The following MUC12 variants were observed in gnomAD, a reference collection of about 807,000 sequenced individuals.
The protein encoded by MUC12 is mucin-12.
MUC12 carries 172 observed loss-of-function variants against 230.8 expected under a neutral mutation model. The ratio of observed to expected loss-of-function variants is 0.75; its 90% confidence interval spans 0.66 to 0.85. The LOEUF (loss-of-function observed/expected upper bound fraction) is 0.85, where lower values mean the gene tolerates loss of function less well. MUC12 is among the 40% of genes least tolerant of loss of function. MUC12 has a pLI of 0.00. For synonymous variants in MUC12, 1,259 were observed against 2,401.9 expected (o/e 0.52, Z 13.91); for missense variants, 3,506 against 5,920.6 (o/e 0.59, Z 13.38).
rs1793734066 is a variant in MUC12 at position 101,005,580 on chromosome 7, C to T, written c.14956+61C>T. ...TTCTCCAGGCCTGTCCATGAGTCTT[C>T]TTCATCCATTACAACCTCTCTTGGT... is the stretch of plus-strand genomic sequence containing the variant. On this transcript the variant is annotated intron_variant, in intron 2 of 11. Coordinates refer to ENST00000536621, the MANE Select transcript of MUC12 (RefSeq NM_001164462.2). 10 of 1,459,650 alleles carry T rather than the reference C, an allele frequency of 6.9e-6. No individual in the cohort carries two copies. The South Asian group carries it at 1.4e-4, about 20-fold the overall frequency. 90.4% of individuals were successfully genotyped at this position (1,459,650 alleles called of 1,614,324 possible).
In MUC12 at chr7:101,017,629, G is replaced by A. The variant is rs758628461; in HGVS notation, c.15932G>A (p.Arg5311Gln). 6.5e-6 allele frequency: 10 copies of A among 1,535,844 alleles called. No homozygotes were observed. Among genetic ancestry groups the A allele is most frequent in the South Asian group, 5.9e-5 (5 of 84,052 alleles). Residue 5311 changes from arginine to glutamine, a missense_variant, in exon 11 of 12, where the codon CGG becomes CAG. By Grantham distance (43) the Arg-to-Gln change is conservative. Transcript: ENST00000536621. ...FGLENAYNNF[R>Q]PTLETVDSGT... ...CTTGAGAACGCCTACAACAACTTCC[G>A]GCCCACCCTGGAGACTGTTGACTCT...
intron 1 of MUC12, among the ~76,000 whole-genome samples, chr7:100,978,736 C>G (rs1316537995): frequency 6.6e-6 from 1 of 152,134 alleles, no homozygotes; most frequent in Non-Finnish European, 1.5e-5. Context: ...CCTTGAAGAA[C>G]CTTCTAATGT....
rs200428302 is a variant in MUC12, at chr7:100,992,575, C to A, written c.2012C>A (p.Thr671Asn). 2.0e-6 allele frequency: 3 copies of A among 1,537,814 alleles called. No homozygotes were observed. Among genetic ancestry groups the A allele is most frequent in the Non-Finnish European group, 1.7e-6 (2 of 1,147,038 alleles). Reference sequence around the variant, plus strand: ...GGCAGCCCGAGCTCAATTCCAACAACCCACATTTCTGCCCGCTCCACAACC... The same window carrying A: ...GGCAGCCCGAGCTCAATTCCAACAAACCACATTTCTGCCCGCTCCACAACC... ...SHGSPSSIPT[T>N]HISARSTTSG... Residue 671 changes from threonine (T) to asparagine (N), a missense_variant, in exon 2 of 12, where the codon ACC becomes AAC. Physicochemically the swap from Thr to Asn is moderately conservative, Grantham distance 65. Coordinates refer to ENST00000536621, the MANE Select transcript of MUC12 (RefSeq NM_001164462.2).
intron 1 of MUC12, among the ~76,000 whole-genome samples, chr7:100,978,972 G>T (rs182677830): frequency 1.3e-5 from 2 of 152,174 alleles, no homozygotes; most frequent in Admixed American, 1.3e-4. Flanking sequence ...ACCATGCCCA[G>T]CTAATTTTTA....
chr7:100,990,215 G>C (rs1050975225), intron 1 of MUC12, among the ~76,000 whole-genome samples: 1 of 152,196 alleles, frequency 6.6e-6, no homozygotes, highest in Non-Finnish European at 1.5e-5. Flanking sequence ...GCCTCTTGTC[G>C]GATCAGGAGC....
At chr7:100,972,249 G>A (rs1792919483) in intron 1 of MUC12, 6 of 701,910 alleles carry the variant, frequency 8.5e-6, no homozygotes, top group Admixed American at 2.0e-5. Context: ...ATTTGCCTGG[G>A]TCCACACAGC....
rs1310240453 is a variant in MUC12 at position 100,995,396 on chromosome 7, A to T, written c.4833A>T (p.Pro1611=). Residue 1611 remains proline, a synonymous_variant, in exon 2 of 12, where the codon CCA becomes CCT. Coordinates refer to ENST00000536621, the MANE Select transcript of MUC12 (RefSeq NM_001164462.2). The part of the protein sequence containing the change: ...SQESTASHSS[P]GSTDTTLSPG... ...AATCTACAGCTTCCCACAGCAGCCC[A>T]GGCTCCACAGACACAACATTGTCCC... 6.5e-7 allele frequency: 1 copy of T among 1,533,978 alleles called. No individual in the cohort carries two copies. The highest frequency in any genetic ancestry group is 2.4e-5 in the East Asian group (1 of 40,920).
chr7:100,984,588 T>C (rs559778588), intron 1 of MUC12, among the ~76,000 whole-genome samples: 1 of 152,222 alleles, frequency 6.6e-6, no homozygotes, highest in African/African-American at 2.4e-5. Context: ...TTTTGTTTTT[T>C]TTTAACTTCT....
intron 1 of MUC12, chr7:100,981,358 T>C (rs1584826699): frequency 1.6e-6 from 1 of 622,692 alleles, no homozygotes; most frequent in Non-Finnish European, 2.9e-6. Flanking sequence ...GGTTCCCTTG[T>C]CCCTCCTGCA....
At chr7:100,973,848 A>C (rs1407006029) in intron 1 of MUC12, among the ~76,000 whole-genome samples, 1 of 151,490 alleles carries the variant, frequency 6.6e-6, no homozygotes, top group African/African-American at 2.4e-5. Context: ...GTGACACCCC[A>C]TCTCTAAAAA....
At chr7:101,008,785 A>C in intron 4 of MUC12, 24 bp downstream of exon 4, 1 of 1,528,904 alleles carries the variant, frequency 6.5e-7, no homozygotes, top group Non-Finnish European at 8.8e-7. Flanking sequence ...ACACCCAGAC[A>C]CCCCAGGGTG....
At chr7:100,989,784 G>A (rs1793249768) in intron 1 of MUC12, among the ~76,000 whole-genome samples, 1 of 151,838 alleles carries the variant, frequency 6.6e-6, no homozygotes, top group Admixed American at 6.6e-5. Context: ...TCCACCTCCT[G>A]GGTTCAAGCG....
In MUC12 at chr7:101,005,024, G is replaced by T. The variant is rs1793718067; in HGVS notation, c.14461G>T (p.Glu4821Ter). The T allele has an allele frequency of 1.3e-6, 2 of 1,537,622 alleles. No homozygotes were observed. Among genetic ancestry groups the T allele is most frequent in the Non-Finnish European group, 1.7e-6 (2 of 1,147,008 alleles). Reference sequence around the variant, plus strand: ...CATCACAACTTCATCTTTTGCTCAAGAATTTACCACCCCTCATAGCCAACC... The same window carrying T: ...CATCACAACTTCATCTTTTGCTCAATAATTTACCACCCCTCATAGCCAACC... ...GSITTSSFAQEFTTPHSQPGS... is the reference protein window; with the variant it reads ...GSITTSSFAQ The change falls in exon 2 of 12, where the codon GAA becomes TAA. Residue 4821 changes from glutamate (E) to a stop codon, truncating the protein, a stop_gained. Transcript: ENST00000536621. LOFTEE classifies it high-confidence loss of function.
At chr7:101,009,927 C>T (rs1406992334) in intron 5 of MUC12, among the ~76,000 whole-genome samples, 1 of 152,170 alleles carries the variant, frequency 6.6e-6, no homozygotes, top group Non-Finnish European at 1.5e-5. Flanking sequence ...TTGGCATCAG[C>T]AGTGTAGACC....
Position 100,992,873 on chromosome 7 carries a change from G to T in MUC12, c.2310G>T (p.Ser770=). The change falls in exon 2 of 12, where the codon TCG becomes TCT. Residue 770 remains serine (S), a synonymous_variant. Coordinates refer to ENST00000536621, the MANE Select transcript of MUC12 (RefSeq NM_001164462.2). ...TSGRSEESTA[S]HSSQDATGTI... ...GCCGTAGTGAGGAATCAACAGCATC[G>T]CACAGCAGCCAAGACGCAACGGGAA... is the stretch of plus-strand genomic sequence containing the variant. 1 of 1,536,046 alleles carries T rather than the reference G, an allele frequency of 6.5e-7. No homozygotes were observed. Among genetic ancestry groups the T allele is most frequent in the Non-Finnish European group, 8.7e-7 (1 of 1,146,460 alleles).
chr7:100,976,203 A>T (rs960444210), intron 1 of MUC12, among the ~76,000 whole-genome samples: 1 of 152,022 alleles, frequency 6.6e-6, no homozygotes, highest in Admixed American at 6.6e-5. Flanking sequence ...TCCTGAATCT[A>T]GCAATTCCAG....
chr7:101,017,690 C>A (rs1382965474), intron 11 of MUC12, 27 bp downstream of exon 11: 7 of 1,495,502 alleles, frequency 4.7e-6, no homozygotes, highest in East Asian at 2.5e-5. Flanking sequence ...CTGCCCCCAC[C>A]CCCTGAGGCT....
chr7:101,017,439 G>T, intron 10 of MUC12, 136 bp from the exon 11 acceptor site: 1 of 622,236 alleles, frequency 1.6e-6, no homozygotes. Context: ...TGCAGGGTCG[G>T]AGGGGTGGTC....
rs992637138 is a variant in MUC12 at position 100,991,106 on chromosome 7, T to G, written c.543T>G (p.Pro181=). The G allele has an allele frequency of 6.5e-7, 1 of 1,537,512 alleles. No homozygotes were observed. The highest frequency in any genetic ancestry group is 8.7e-7 in the Non-Finnish European group (1 of 1,146,874). The part of the protein sequence containing the change: ...RPGPTHTIAF[P]DSTTMPGVSQ... Reference sequence around the variant, plus strand: ...GCCCAACGCACACAATAGCGTTCCCTGACAGTACCACCATGCCAGGCGTCA... The same window carrying G: ...GCCCAACGCACACAATAGCGTTCCCGGACAGTACCACCATGCCAGGCGTCA... Residue 181 remains proline, a synonymous_variant, in exon 2 of 12, where the codon CCT becomes CCG. Transcript: ENST00000536621.
Sources: allele counts gnomAD v4.1 joint callset (sites outside exome capture counted in the v4.1 genomes callset), GRCh38; gene constraint gnomAD v4.1.1; transcripts MANE v1.5; gene names NCBI Gene and HGNC (gene_info 2026-07-23, HGNC 2026-07-21).